The following SCTR variants were observed in gnomAD, a reference collection of about 807,000 sequenced individuals.
SCTR encodes pancreatic secretin receptor.
A neutral mutation model predicts 60.8 loss-of-function variants in SCTR; 56 were observed. The observed-to-expected ratio is 0.92, with a 90% CI of 0.74 to 1.15. The LOEUF (loss-of-function observed/expected upper bound fraction) is 1.15, where lower values mean the gene tolerates loss of function less well. Ranked by LOEUF, SCTR falls within the 50% of genes most tolerant of loss-of-function variation. SCTR has a pLI of 0.00. For synonymous variants in SCTR, 202 were observed against 217.0 expected (o/e 0.93, Z 0.61); for missense variants, 562 against 550.4 (o/e 1.02, Z -0.21).
intron 1 of SCTR, among the ~76,000 whole-genome samples, chr2:119,494,964 G>A (rs141703149): frequency 2.3e-4 from 35 of 152,122 alleles, no homozygotes; most frequent in African/African-American, 5.8e-4. Flanking sequence ...AGACAGGGTC[G>A]TTCTCTGTCA....
At chr2:119,461,802 C>T in intron 7 of SCTR, 45 bp downstream of exon 7, 1 of 1,549,760 alleles carries the variant, frequency 6.5e-7, no homozygotes, top group African/African-American at 1.4e-5. Flanking sequence ...ACTCAGCACC[C>T]CTTCCCACAT....
At chr2:119,441,159 C>T (rs1158460709) in intron 12 of SCTR, among the ~76,000 whole-genome samples, 2 of 152,186 alleles carry the variant, frequency 1.3e-5, no homozygotes, top group African/African-American at 2.4e-5. Flanking sequence ...AGGCCCAGAA[C>T]AGGGCAGTGA....
At chr2:119,510,439 G>T (rs763620036) in intron 1 of SCTR, among the ~76,000 whole-genome samples, 1 of 152,130 alleles carries the variant, frequency 6.6e-6, no homozygotes, top group Non-Finnish European at 1.5e-5. Context: ...TGCTGGGAGC[G>T]CCTGGGAAGA....
chr2:119,491,256 G>T (rs1234063531), intron 2 of SCTR, among the ~76,000 whole-genome samples: 1 of 152,118 alleles, frequency 6.6e-6, no homozygotes, highest in Non-Finnish European at 1.5e-5. Context: ...ACTCTCCAAG[G>T]CTTTTGCTTC....
At chr2:119,470,292 A>G (rs1212545128) in intron 4 of SCTR, among the ~76,000 whole-genome samples, 1 of 152,196 alleles carries the variant, frequency 6.6e-6, no homozygotes. Context: ...AAGAAGAAAA[A>G]AAGAAAAGCA....
At chr2:119,449,736 A>G (rs1423408939) in intron 9 of SCTR, among the ~76,000 whole-genome samples, 2 of 152,158 alleles carry the variant, frequency 1.3e-5, no homozygotes, top group Admixed American at 6.5e-5. Flanking sequence ...GGGCCTGGGA[A>G]TGCTTGCCAA....
chr2:119,482,309 C>T (rs375971560), intron 2 of SCTR, among the ~76,000 whole-genome samples: 7 of 152,172 alleles, frequency 4.6e-5, no homozygotes, highest in East Asian at 1.9e-4. Flanking sequence ...CAGCCCCTAG[C>T]AGGAGAGGGG....
In SCTR at chr2:119,524,371, G is replaced by T. The variant is rs1312354638; in HGVS notation, c.-145C>A. 5 of 475,900 alleles carry T rather than the reference G, an allele frequency of 1.1e-5. No homozygotes were observed. In the South Asian group the frequency reaches 2.7e-4, roughly 26 times the overall value. 29.5% of individuals were successfully genotyped at this position (475,900 alleles called of 1,614,324 possible). ...GCCATGGCTGAGCCACCCGACCTGCGGCGGGCCCCGGGACTGCTCCTCCTC... is the reference window on the plus strand; with the variant it reads ...GCCATGGCTGAGCCACCCGACCTGCTGCGGGCCCCGGGACTGCTCCTCCTC... On this transcript the variant is annotated 5_prime_UTR_variant, in exon 1 of 13. Coordinates refer to ENST00000019103, the MANE Select transcript of SCTR (RefSeq NM_002980.3).
chr2:119,472,918 A>T (rs1312705366), intron 4 of SCTR, among the ~76,000 whole-genome samples: 1 of 152,118 alleles, frequency 6.6e-6, no homozygotes, highest in Non-Finnish European at 1.5e-5. Context: ...AAGCCGCCAC[A>T]CCCGGCCAAA....
chr2:119,485,139 C>T (rs541311623), intron 2 of SCTR, among the ~76,000 whole-genome samples: 13 of 152,226 alleles, frequency 8.5e-5, no homozygotes, highest in South Asian at 2.1e-4. Flanking sequence ...GGTGGTGCTA[C>T]GTGAATCTCT....
chr2:119,485,602 GC>G (rs1464000062), intron 2 of SCTR, among the ~76,000 whole-genome samples: 2 of 152,224 alleles, frequency 1.3e-5, no homozygotes, highest in Non-Finnish European at 2.9e-5. Context: ...GAACAGCCCG[GC>G]CCCCGGGGCC....
chr2:119,489,008 G>A (rs896912829), intron 2 of SCTR, among the ~76,000 whole-genome samples: 1 of 152,172 alleles, frequency 6.6e-6, no homozygotes, highest in African/African-American at 2.4e-5. Flanking sequence ...CCGCCACGGG[G>A]AGAGTCTTTT....
intron 1 of SCTR, among the ~76,000 whole-genome samples, chr2:119,511,047 A>G (rs1678913416): frequency 6.6e-6 from 1 of 151,996 alleles, no homozygotes; most frequent in East Asian, 1.9e-4. Context: ...AATACAAAAA[A>G]AAAAAATTAG....
At chr2:119,460,625 G>A (rs572533775) in intron 7 of SCTR, among the ~76,000 whole-genome samples, 18 of 152,260 alleles carry the variant, frequency 1.2e-4, no homozygotes, top group Middle Eastern at 6.8e-3. Context: ...AGATTGCTAC[G>A]ATGATTAAAT....
chr2:119,454,990 T>C (rs1033888173), intron 7 of SCTR, among the ~76,000 whole-genome samples: 5 of 152,256 alleles, frequency 3.3e-5, no homozygotes, highest in African/African-American at 1.2e-4. Context: ...TTTACTGTGT[T>C]GATTGTGGCT....
chr2:119,495,406 C>T (rs1678307500), intron 1 of SCTR: 1 of 152,332 alleles, frequency 6.6e-6, no homozygotes, highest in Admixed American at 6.5e-5. Context: ...GCTGTGACTT[C>T]CTCACTCTTT....
intron 1 of SCTR, among the ~76,000 whole-genome samples, chr2:119,507,313 T>A (rs1251684019): frequency 6.6e-6 from 1 of 152,248 alleles, no homozygotes; most frequent in Non-Finnish European, 1.5e-5. Context: ...TTAAATGTAC[T>A]AATTTTTCAG....
At chr2:119,498,236 A>G (rs1004595917) in intron 1 of SCTR, among the ~76,000 whole-genome samples, 2 of 152,216 alleles carry the variant, frequency 1.3e-5, no homozygotes, top group Non-Finnish European at 1.5e-5. Flanking sequence ...TGCTGAAAGA[A>G]AAGTATTGTC....
At position 119,492,832 on chromosome 2, in the gene SCTR, ATATTTATTTATTTATTTATT is replaced by A. The variant is rs71788049; in HGVS notation, c.193+1576_193+1595del. On this transcript the variant is annotated intron_variant, in intron 2 of 12. Transcript: ENST00000019103. ...TGTGTTCCTTTATTTTACTTTTTTAATATTTATTTATTTATTTATTTATTTATTTATTTATTTATTTATTT... is the reference window on the plus strand; with the variant it reads ...TGTGTTCCTTTATTTTACTTTTTTAATATTTATTTATTTATTTATTTATTT... Among the ~76,000 whole-genome samples, 72 of 147,170 alleles carry A rather than the reference ATATTTATTTATTTATTTATT, an allele frequency of 4.9e-4. 2 individuals carry two copies. Among genetic ancestry groups the A allele is most frequent in the Middle Eastern group, 3.4e-3 (1 of 294 alleles).
Sources: allele counts gnomAD v4.1 joint callset (sites outside exome capture counted in the v4.1 genomes callset), GRCh38; gene constraint gnomAD v4.1.1; transcripts MANE v1.5; gene names NCBI Gene and HGNC (gene_info 2026-07-23, HGNC 2026-07-21).